The following CLIC5 variants were observed in gnomAD, a reference collection of about 807,000 sequenced individuals.
The protein encoded by CLIC5 is CLIC family member 5.
A neutral mutation model predicts 24.7 loss-of-function variants in CLIC5; 20 were observed. The observed-to-expected ratio is 0.81, with a 90% CI of 0.57 to 1.18. The LOEUF is 1.18. Ranked by LOEUF, CLIC5 falls within the 50% of genes most tolerant of loss-of-function variation. The pLI is 0.00. For missense variants in CLIC5, 341 were observed against 326.1 expected (o/e 1.05, Z -0.35); for synonymous variants, 159 against 135.6 (o/e 1.17, Z -1.20).
chr6:45,887,140 T>G (rs182132682), intron 6 of CLIC5, among the ~76,000 whole-genome samples: 45 of 152,358 alleles, frequency 3.0e-4, no homozygotes, highest in African/African-American at 1.1e-3. Flanking sequence ...TAGACATTTT[T>G]AGAAATGAAC....
chr6:45,974,497 GTATATA>G (rs1554154071), intron 1 of CLIC5, among the ~76,000 whole-genome samples: 14 of 76,214 alleles, frequency 1.8e-4, no homozygotes, highest in South Asian at 1.3e-3. Context: ...GTGTGTGTGT[GTATATA>G]TATATATATA....
intron 5 of CLIC5, among the ~76,000 whole-genome samples, chr6:45,908,157 TTTGTTG>T (rs960286709): frequency 6.6e-6 from 1 of 152,128 alleles, no homozygotes; most frequent in African/African-American, 2.4e-5. Flanking sequence ...GATTTTCTTT[TTTGTTG>T]TTGTTGTTGT....
At chr6:46,090,291 A>C in the CLIC5 span, among the ~76,000 whole-genome samples, 1 of 152,190 alleles carries the variant, frequency 6.6e-6, no homozygotes, top group Non-Finnish European at 1.5e-5. Flanking sequence ...CTGCATGTAT[A>C]ATCCACCAGG....
intron 1 of CLIC5, among the ~76,000 whole-genome samples, chr6:45,989,805 C>T (rs1239012238): frequency 6.6e-6 from 1 of 152,120 alleles, no homozygotes; most frequent in Non-Finnish European, 1.5e-5. Flanking sequence ...AAAACCCCAC[C>T]CCTGGGCTAG....
upstream of CLIC5, among the ~76,000 whole-genome samples, chr6:46,084,668 T>C (rs1372925640): frequency 6.6e-6 from 1 of 152,230 alleles, no homozygotes; most frequent in Non-Finnish European, 1.5e-5. Flanking sequence ...GGCTTCCCTT[T>C]GTGGGTAACC....
At chr6:45,906,904 A>C (rs1164609179) in intron 5 of CLIC5, among the ~76,000 whole-genome samples, 3 of 152,224 alleles carry the variant, frequency 2.0e-5, no homozygotes, top group African/African-American at 7.2e-5. Context: ...GTTGTTTATC[A>C]GTTCCAGAAG....
chr6:45,954,370 A>C (rs549561342), intron 2 of CLIC5, among the ~76,000 whole-genome samples: 1 of 152,292 alleles, frequency 6.6e-6, no homozygotes, highest in East Asian at 1.9e-4. Flanking sequence ...TGATGTATGC[A>C]ATGTTAGACA....
At chr6:45,983,691 A>G (rs1422061764) in intron 1 of CLIC5, among the ~76,000 whole-genome samples, 1 of 152,166 alleles carries the variant, frequency 6.6e-6, no homozygotes, top group Non-Finnish European at 1.5e-5. Context: ...TCATTCATTC[A>G]TTCATTTAAA....
chr6:45,913,858 T>C, intron 5 of CLIC5: 1 of 1,192,244 alleles, frequency 8.4e-7, no homozygotes, highest in Non-Finnish European at 1.1e-6. Flanking sequence ...TTAATAGAGC[T>C]GTAGGGGTGT....
At chr6:45,912,088 T>C in intron 5 of CLIC5, 1 of 986,178 alleles carries the variant, frequency 1.0e-6, no homozygotes, top group Non-Finnish European at 1.2e-6. Context: ...TCCATGCTCA[T>C]GTTCTGAATT....
intron 2 of CLIC5, among the ~76,000 whole-genome samples, chr6:45,952,702 G>A (rs894885924): frequency 3.3e-5 from 5 of 152,262 alleles, no homozygotes; most frequent in African/African-American, 7.2e-5. Context: ...CCTGGTCTAC[G>A]TCAAAGGGGT....
intron 1 of CLIC5, among the ~76,000 whole-genome samples, chr6:46,013,962 C>A (rs1354789937): frequency 1.3e-5 from 2 of 152,088 alleles, no homozygotes; most frequent in Non-Finnish European, 2.9e-5. Flanking sequence ...TAAGGTCCAA[C>A]ACTACCCAGC....
chr6:45,941,721 C>A, intron 3 of CLIC5, 68 bp from the exon 4 acceptor site: 1 of 1,176,926 alleles, frequency 8.5e-7, no homozygotes, highest in South Asian at 1.2e-5. Context: ...GAGCCTATCC[C>A]TATCATGATA....
At chr6:46,034,352 G>A (rs1767603531) in intron 1 of CLIC5, among the ~76,000 whole-genome samples, 1 of 152,226 alleles carries the variant, frequency 6.6e-6, no homozygotes, top group Non-Finnish European at 1.5e-5. Flanking sequence ...CTTGGAGATG[G>A]AAGGCAAAAC....
chr6:45,994,136 G>C (rs939318654), intron 1 of CLIC5, among the ~76,000 whole-genome samples: 9 of 152,122 alleles, frequency 5.9e-5, no homozygotes, highest in African/African-American at 2.2e-4. Context: ...TTCAGTGAAG[G>C]CTGACCAGAT....
intron 5 of CLIC5, among the ~76,000 whole-genome samples, chr6:45,905,692 G>C (rs1302980882): frequency 6.6e-6 from 1 of 152,024 alleles, no homozygotes; most frequent in Non-Finnish European, 1.5e-5. Context: ...TGTTCACTCT[G>C]TTGATAGTTT....
chr6:46,120,070 C>T, the CLIC5 span, among the ~76,000 whole-genome samples: 2 of 152,212 alleles, frequency 1.3e-5, no homozygotes, highest in African/African-American at 4.8e-5. Flanking sequence ...TGTCTAACAG[C>T]TTTGAAGAGA....
chr6:46,062,699 T>C (rs1762319665), intron 1 of CLIC5, among the ~76,000 whole-genome samples: 1 of 152,204 alleles, frequency 6.6e-6, no homozygotes, highest in South Asian at 2.1e-4. Context: ...GTGTTACCCA[T>C]CTAGGAGCAG....
At chr6:46,082,807 C>T (rs1762952002), upstream of CLIC5, among the ~76,000 whole-genome samples, 1 of 152,138 alleles carries the variant, frequency 6.6e-6, no homozygotes, top group Admixed American at 6.6e-5. Context: ...CTACTTTCCC[C>T]CCCTTTTCCA....
Sources: allele counts gnomAD v4.1 joint callset (sites outside exome capture counted in the v4.1 genomes callset), GRCh38; gene constraint gnomAD v4.1.1; transcripts MANE v1.5; gene names NCBI Gene and HGNC (gene_info 2026-07-23, HGNC 2026-07-21).